Variants in GTF2I observed in about 807,000 individuals in gnomAD.
The protein encoded by GTF2I is general transcription factor II-I.
A neutral mutation model predicts 67.6 loss-of-function variants in GTF2I; 12 were observed. That is an observed-to-expected ratio of 0.18 (90% CI 0.11 to 0.29). The LOEUF (loss-of-function observed/expected upper bound fraction) is 0.29, where lower values mean the gene tolerates loss of function less well. GTF2I is among the 10% of genes least tolerant of loss of function. The probability of loss-of-function intolerance (pLI) is 1.00; values close to 1 mark genes in which losing one functional copy is unlikely to be tolerated. For synonymous variants in GTF2I, 149 were observed against 197.0 expected (o/e 0.76, Z 2.04); for missense variants, 271 against 580.1 (o/e 0.47, Z 5.47).
At chr7:74,659,332 A>G (rs1554385335) in intron 1 of GTF2I, among the ~76,000 whole-genome samples, 1 of 151,786 alleles carries the variant, frequency 6.6e-6, no homozygotes, top group Admixed American at 6.6e-5. Context: ...GGCTCCAGCG[A>G]TCCTCCTGCC....
chr7:74,678,772 C>CAT (rs1218861308), intron 1 of GTF2I, among the ~76,000 whole-genome samples: 2 of 151,810 alleles, frequency 1.3e-5, no homozygotes, highest in Non-Finnish European at 2.9e-5. Flanking sequence ...GTAACCTACT[C>CAT]ATATATATAT....
At chr7:74,682,007 A>G (rs745479460) in intron 1 of GTF2I, among the ~76,000 whole-genome samples, 26 of 152,114 alleles carry the variant, frequency 1.7e-4, no homozygotes, top group Non-Finnish European at 3.4e-4. Context: ...TGTGGCTGTC[A>G]GGTCTGCCTT....
rs587728433 is a variant in GTF2I at position 74,733,022 on chromosome 7, A to G, written c.1304+360A>G. On this transcript the variant is annotated intron_variant, in intron 15 of 34. Transcript: ENST00000573035. ...CACACTGGAACCCAGGCTTGAGTGC[A>G]GTGTCGCAATCTCAGCTCACTGCAA... Among the ~76,000 whole-genome samples the G allele has an allele frequency of 3.0e-4, 45 of 148,932 alleles. 2 individuals are homozygous for G. In the South Asian group the frequency reaches 5.6e-3, roughly 19 times the overall value.
intron 12 of GTF2I, among the ~76,000 whole-genome samples, chr7:74,721,792 A>G (rs1481328025): frequency 6.6e-6 from 1 of 152,050 alleles, no homozygotes; most frequent in Non-Finnish European, 1.5e-5. Context: ...ATATATAGCC[A>G]TTGAAATCCT....
At chr7:74,694,314 C>T (rs782014675) in intron 3 of GTF2I, among the ~76,000 whole-genome samples, 12 of 152,044 alleles carry the variant, frequency 7.9e-5, no homozygotes, top group Non-Finnish European at 1.3e-4. Flanking sequence ...CAGCTGGGGG[C>T]GGTGGCTCAC....
intron 3 of GTF2I, among the ~76,000 whole-genome samples, chr7:74,692,920 A>G (rs1788473691): frequency 6.6e-6 from 1 of 151,708 alleles, no homozygotes; most frequent in Non-Finnish European, 1.5e-5. Context: ...GCACCACCAC[A>G]CCCAGCTAGT....
intron 16 of GTF2I, among the ~76,000 whole-genome samples, chr7:74,734,714 G>GC (rs1554407355): frequency 7.9e-6 from 1 of 125,944 alleles, no homozygotes; most frequent in African/African-American, 2.9e-5. Context: ...GAGCCACCGC[G>GC]CCCAGCCTGT....
At chr7:74,658,359 G>A (rs587750656) in intron 1 of GTF2I, among the ~76,000 whole-genome samples, 1 of 147,300 alleles carries the variant, frequency 6.8e-6, no homozygotes, top group African/African-American at 2.5e-5. Context: ...ACAGTGGCAC[G>A]CGCGCGCCTC....
Position 74,665,134 on chromosome 7 carries a change from G to T in GTF2I, c.-6+7066G>T, listed in dbSNP as rs587753275. 3.3e-5 allele frequency among the ~76,000 whole-genome samples: 5 copies of T among 151,230 alleles called. No homozygotes were observed. The East Asian group carries it at 9.9e-4, about 30-fold the overall frequency. On this transcript the variant is annotated intron_variant, in intron 1 of 34. Coordinates refer to ENST00000573035, the MANE Select transcript of GTF2I (RefSeq NM_032999.4). ...ATTTTGTATTTTTAGTAGAGACGGGGTTTCTCCATTTTGGTCAGGCTGGTC... is the reference window on the plus strand; with the variant it reads ...ATTTTGTATTTTTAGTAGAGACGGGTTTTCTCCATTTTGGTCAGGCTGGTC...
intron 1 of GTF2I, among the ~76,000 whole-genome samples, chr7:74,660,225 A>G (rs1170981561): frequency 2.2e-5 from 3 of 135,636 alleles, no homozygotes; most frequent in Non-Finnish European, 3.2e-5. Context: ...GTTTCGTTCT[A>G]TCCCCCCAGG....
chr7:74,688,430 T>G (rs2131283130), intron 1 of GTF2I, among the ~76,000 whole-genome samples: 2 of 152,294 alleles, frequency 1.3e-5, no homozygotes, highest in Non-Finnish European at 2.9e-5. Context: ...TAAAATATAC[T>G]TAACATAAAA....
intron 2 of GTF2I, among the ~76,000 whole-genome samples, chr7:74,689,624 G>T (rs1431020257): frequency 2.6e-5 from 4 of 152,014 alleles, no homozygotes; most frequent in Non-Finnish European, 4.4e-5. Flanking sequence ...AAAGTGCTGG[G>T]ATTACAGGTG....
chr7:74,688,561 A>G (rs150300171), intron 1 of GTF2I, among the ~76,000 whole-genome samples: 2 of 152,108 alleles, frequency 1.3e-5, no homozygotes, highest in Non-Finnish European at 2.9e-5. Flanking sequence ...GGTTCAAGCA[A>G]TTCTCCTGCC....
chr7:74,711,133 T>TAGAAAGAAAAATTG, intron 9 of GTF2I, 24 bp downstream of exon 9: 1 of 1,055,254 alleles, frequency 9.5e-7, no homozygotes, highest in Non-Finnish European at 1.4e-6. Context: ...ATGCAATTTT[T>TAGAAAGAAAAATTG]CTTTCTAAAA....
At chr7:74,674,205 G>A (rs1805702198) in intron 1 of GTF2I, among the ~76,000 whole-genome samples, 1 of 151,588 alleles carries the variant, frequency 6.6e-6, no homozygotes, top group African/African-American at 2.4e-5. Context: ...GAGTAGCTGG[G>A]ACAACAGGCG....
rs869137920 is a variant in GTF2I at position 74,671,079 on chromosome 7, C to CTTTTT, written c.-6+13032_-6+13036dup. 1.7e-3 allele frequency among the ~76,000 whole-genome samples: 106 copies of CTTTTT among 61,800 alleles called. 3 individuals are homozygous for CTTTTT. Among genetic ancestry groups the CTTTTT allele is most frequent in the African/African-American group, 6.7e-3 (93 of 13,926 alleles). 40.5% of individuals were successfully genotyped at this position (61,800 alleles called of 152,430 possible). Reference sequence around the variant, plus strand: ...TTGTGATCCACTGATTGGGCAGATCCTTTTTTTTTTTTTTTTTTTTTTTTT... The same window carrying CTTTTT: ...TTGTGATCCACTGATTGGGCAGATCCTTTTTTTTTTTTTTTTTTTTTTTTTTTTTT... On this transcript the variant is annotated intron_variant, in intron 1 of 34. Transcript: ENST00000573035.
intron 1 of GTF2I, among the ~76,000 whole-genome samples, chr7:74,663,801 G>A (rs1361430779): frequency 2.0e-5 from 3 of 152,068 alleles, no homozygotes; most frequent in Admixed American, 6.6e-5. Context: ...TGTCTTAGAA[G>A]ATGTGTGTTT....
intron 1 of GTF2I, among the ~76,000 whole-genome samples, chr7:74,680,116 ATG>A (rs1466999179): frequency 0.57 from 57,160 of 99,638 alleles, 17,689 homozygotes; most frequent in East Asian, 0.69. Flanking sequence ...ATATATATAT[ATG>A]TATGTATGTA....
At chr7:74,696,447 CT>C (rs1436931404) in intron 3 of GTF2I, among the ~76,000 whole-genome samples, 3 of 151,914 alleles carry the variant, frequency 2.0e-5, no homozygotes, top group Non-Finnish European at 4.4e-5. Flanking sequence ...CTGCCTCAGC[CT>C]TTCTAGTAGC....
Sources: gnomAD v4.1 joint callset for allele counts (sites outside exome capture counted in the v4.1 genomes callset) on GRCh38, gnomAD v4.1.1 for gene constraint, MANE v1.5 for transcripts, NCBI Gene and HGNC (gene_info 2026-07-23, HGNC 2026-07-21) for gene names.